TMEM64: variants seen among roughly 807,000 people sequenced by gnomAD.
TMEM64 encodes the protein transmembrane protein 64.
In TMEM64, 19 loss-of-function variants were observed where a neutral mutation model predicts 24.5. The observed-to-expected ratio is 0.78, with a 90% CI of 0.54 to 1.14. The LOEUF is 1.14. Ranked by LOEUF, TMEM64 falls within the 50% of genes most tolerant of loss-of-function variation. The pLI is 0.00. For missense variants in TMEM64, 487 were observed against 493.0 expected, an observed-to-expected ratio of 0.99 and a Z score of 0.12; for synonymous variants, 262 against 224.7, an observed-to-expected ratio of 1.17 and a Z score of -1.49.
In TMEM64 at chr8:90,645,727, G is replaced by T; in HGVS notation, c.179C>A (p.Ala60Glu). 2.6e-6 allele frequency: 3 copies of T among 1,164,686 alleles called. No individual in the cohort carries two copies. The South Asian group carries it at 1.3e-4, about 49-fold the overall frequency. The allele number at this position is 1,164,686 out of a possible 1,614,324, so 72.1% of individuals were successfully genotyped here. A position where few individuals can be genotyped will look rare whatever the true frequency, so the allele number is the denominator to read the frequency against. ...GGASAAAAAA[A>E]ASGALLGAYL... ...GGCGCCGAGCAGGGCGCCCGAGGCC[G>T]CCGCTGCTGCCGCCGCCGCGCTCGC... The change falls in exon 1 of 3, where the codon GCG (alanine) becomes GAG (glutamate). Residue 60 changes from alanine (A) to glutamate (E), a missense_variant. Physicochemically the swap from Ala to Glu is moderately radical, Grantham distance 107. Transcript: ENST00000458549. This position sits in a 1 kb window ranked among gnomAD's most constrained non-coding sequence, Gnocchi z 4.2.
intron 2 of TMEM64, among the ~76,000 whole-genome samples, chr8:90,626,090 A>G (rs1284050607): frequency 6.6e-6 from 1 of 152,198 alleles, no homozygotes; most frequent in Admixed American, 6.5e-5. Context: ...ATGACATGGT[A>G]TTAGGAAAAC....
rs1042783338 is a variant in TMEM64, at chr8:90,625,484, T to A, written c.*187A>T. On this transcript the variant is annotated 3_prime_UTR_variant, in exon 3 of 3. Coordinates refer to ENST00000458549, the MANE Select transcript of TMEM64 (RefSeq NM_001008495.4). ...ATAAAGAGGTGCAGCCAAATTTGCA[T>A]CTACATTTACACTTACATACCCAGA... 9.8e-6 allele frequency: 5 copies of A among 511,396 alleles called. No individual in the cohort carries two copies. The highest frequency in any genetic ancestry group is 1.7e-5 in the Non-Finnish European group (5 of 290,740). The allele number at this position is 511,396 out of a possible 1,614,324, so 31.7% of individuals were successfully genotyped here.
chr8:90,637,779 AAC>A (rs1435675478), intron 1 of TMEM64, among the ~76,000 whole-genome samples: 1 of 152,166 alleles, frequency 6.6e-6, no homozygotes, highest in African/African-American at 2.4e-5. Flanking sequence ...AAAATTGGGG[AAC>A]AGAGAAAAAG....
chr8:90,635,171 C>T (rs1226214751), intron 1 of TMEM64, among the ~76,000 whole-genome samples: 3 of 152,016 alleles, frequency 2.0e-5, no homozygotes, highest in African/African-American at 7.2e-5. Context: ...ATTGAGAAGG[C>T]CTACATGCTG....
chr8:90,625,971 G>C (rs755753914), intron 2 of TMEM64, 109 bp from the exon 3 acceptor site: 16 of 740,960 alleles, frequency 2.2e-5, no homozygotes, highest in Non-Finnish European at 3.4e-5. Context: ...GCTTCTCAAA[G>C]ATGGTAGGTA....
rs1211643911 is a variant in TMEM64, at chr8:90,631,771, ATGTG to A, written c.796-68_796-65del. ...TAAAATTTCAATTCAACATAAAAAAATGTGTGTATTAAGTCTAACTAGTGGTATT... is the reference window on the plus strand; with the variant it reads ...TAAAATTTCAATTCAACATAAAAAAATGTATTAAGTCTAACTAGTGGTATT... On this transcript the variant is annotated intron_variant, in intron 1 of 2. Coordinates refer to ENST00000458549, the MANE Select transcript of TMEM64 (RefSeq NM_001008495.4). 4.9e-6 allele frequency: 7 copies of A among 1,441,788 alleles called. No individual in the cohort carries two copies. In the Admixed American group the frequency reaches 1.2e-4, roughly 25 times the overall value. 89.3% of individuals were successfully genotyped at this position (1,441,788 alleles called of 1,614,324 possible).
rs537117465 is a variant in TMEM64, at chr8:90,637,959, G to C, written c.796-6252C>G. On this transcript the variant is annotated intron_variant, in intron 1 of 2. Coordinates refer to ENST00000458549, the MANE Select transcript of TMEM64 (RefSeq NM_001008495.4). ...CCCTAGCTGGAGACCTCATCAGTCA[G>C]GCACATAGCTAATTCCTTATTTCCC... 1.5e-3 allele frequency among the ~76,000 whole-genome samples: 223 copies of C among 152,204 alleles called. 3 individuals carry two copies. Among genetic ancestry groups the C allele is most frequent in the African/African-American group, 5.0e-3 (206 of 41,532 alleles).
In TMEM64 at chr8:90,645,150, C is replaced by T; in HGVS notation, c.756G>A (p.Leu252=). 9 of 1,613,594 alleles carry T rather than the reference C, an allele frequency of 5.6e-6. No individual in the cohort carries two copies. Among genetic ancestry groups the T allele is most frequent in the Non-Finnish European group, 5.1e-6 (6 of 1,179,594 alleles). ...SGLKVVALAR[L]TPIPFGLQNA... ...TCTGAAGCCCAAAAGGTATGGGTGTCAGTCTGGCCAGCGCCACCACTTTCA... is the reference window on the plus strand; with the variant it reads ...TCTGAAGCCCAAAAGGTATGGGTGTTAGTCTGGCCAGCGCCACCACTTTCA... Residue 252 remains leucine (L), a synonymous_variant, in exon 1 of 3, where the codon CTG becomes CTA. Coordinates refer to ENST00000458549, the MANE Select transcript of TMEM64 (RefSeq NM_001008495.4). The surrounding 1 kb of genome is among the most constrained non-coding windows in gnomAD (Gnocchi z 4.2).
Position 90,623,821 on chromosome 8 carries a change from A to G in TMEM64, c.*1850T>C, listed in dbSNP as rs1442709022. 1 of 152,266 alleles carries G rather than the reference A, an allele frequency of 6.6e-6. No individual in the cohort carries two copies. Among genetic ancestry groups the G allele is most frequent in the Non-Finnish European group, 1.5e-5 (1 of 67,946 alleles). The allele number at this position is 152,266 out of a possible 1,614,324, so 9.4% of individuals were successfully genotyped here. The stretch of plus-strand genomic sequence containing the variant: ...TTTCACAAAAACTAACCAACAAACA[A>G]GAAGCACAAGAAAAAGGTTGTCAGG... On this transcript the variant is annotated 3_prime_UTR_variant, in exon 3 of 3. Coordinates refer to ENST00000458549, the MANE Select transcript of TMEM64 (RefSeq NM_001008495.4).
chr8:90,645,587 T>C lies in TMEM64; in HGVS notation c.319A>G (p.Arg107Gly), dbSNP rs1283036962. Residue 107 changes from arginine (R) to glycine (G), a missense_variant, in exon 1 of 3, where the codon AGA becomes GGA. By Grantham distance (125) the Arg-to-Gly change is moderately radical. Around this residue, in one of 3 missense-constraint regions of TMEM64, gnomAD observed 419 missense variants for 407.5 expected, o/e 1.03. Coordinates refer to ENST00000458549, the MANE Select transcript of TMEM64 (RefSeq NM_001008495.4). This position sits in a 1 kb window ranked among gnomAD's most constrained non-coding sequence, Gnocchi z 4.2. ...GGVVVGVAEV[R>G]NWRCCCLGST... ...CCGAGGCAGCAGCAGCGCCAGTTTCTCACCTCAGCCACGCCGACCACCACG... is the reference window on the plus strand; with the variant it reads ...CCGAGGCAGCAGCAGCGCCAGTTTCCCACCTCAGCCACGCCGACCACCACG... The C allele has an allele frequency of 6.5e-7, 1 of 1,540,656 alleles. No homozygotes were observed. Among genetic ancestry groups the C allele is most frequent in the Non-Finnish European group, 8.7e-7 (1 of 1,146,152 alleles).
Position 90,624,408 on chromosome 8 carries a change from C to T in TMEM64, c.*1263G>A, listed in dbSNP as rs1449717487. 3 of 151,984 alleles carry T rather than the reference C, an allele frequency of 2.0e-5. No individual in the cohort carries two copies. The highest frequency in any genetic ancestry group is 7.3e-5 in the African/African-American group (3 of 41,374). 9.4% of individuals were successfully genotyped at this position (151,984 alleles called of 1,614,324 possible). On this transcript the variant is annotated 3_prime_UTR_variant, in exon 3 of 3. Transcript: ENST00000458549. ...TATAACCTCATTTGTAAAAAAAAAT[C>T]ATTAAGTTTATAAACTATTTTAAAA...
chr8:90,639,446 TA>T (rs1291573079), intron 1 of TMEM64, among the ~76,000 whole-genome samples: 1 of 152,092 alleles, frequency 6.6e-6, no homozygotes, highest in Non-Finnish European at 1.5e-5. Flanking sequence ...TTATTGTACA[TA>T]ATTTCTGGAA....
At chr8:90,640,495 C>T (rs1809589146) in intron 1 of TMEM64, among the ~76,000 whole-genome samples, 1 of 152,156 alleles carries the variant, frequency 6.6e-6, no homozygotes, top group Admixed American at 6.5e-5. Flanking sequence ...CATCTGTACC[C>T]TCTCATTTTA....
At chr8:90,625,953 A>T (rs1363916046) in intron 2 of TMEM64, 91 bp from the exon 3 acceptor site, 3 of 914,782 alleles carry the variant, frequency 3.3e-6, no homozygotes, top group Non-Finnish European at 4.8e-6. Flanking sequence ...AAATGCTTCA[A>T]ACAGGGTGCT....
At chr8:90,635,096 C>T (rs1809496166) in intron 1 of TMEM64, among the ~76,000 whole-genome samples, 1 of 152,114 alleles carries the variant, frequency 6.6e-6, no homozygotes, top group African/African-American at 2.4e-5. Context: ...CAATGCCTAC[C>T]ACTGATGGAT....
intron 1 of TMEM64, among the ~76,000 whole-genome samples, chr8:90,643,943 AG>A (rs924770473): frequency 2.6e-5 from 4 of 152,222 alleles, no homozygotes; most frequent in African/African-American, 9.6e-5. Context: ...AAAAAGAGAA[AG>A]GTTTTAATTT....
intron 2 of TMEM64, among the ~76,000 whole-genome samples, chr8:90,627,494 A>T (rs974628361): frequency 6.6e-6 from 1 of 152,242 alleles, no homozygotes; most frequent in Middle Eastern, 3.4e-3. Context: ...TTTGTGAATT[A>T]GATGCTACCT....
intron 2 of TMEM64, among the ~76,000 whole-genome samples, chr8:90,626,122 T>A (rs1025977789): frequency 6.6e-6 from 1 of 152,212 alleles, no homozygotes; most frequent in Non-Finnish European, 1.5e-5. Context: ...TTGGTTCACT[T>A]GATACAAGCC....
In TMEM64 at chr8:90,636,241, A is replaced by T. The variant is rs147980072; in HGVS notation, c.796-4534T>A. On this transcript the variant is annotated intron_variant, in intron 1 of 2. Coordinates refer to ENST00000458549, the MANE Select transcript of TMEM64 (RefSeq NM_001008495.4). ...ATTAAAGATGAACAGCTTCCTCCAA[A>T]CTATTTTATTTTTGTTTTATATATA... Among the ~76,000 whole-genome samples the T allele has an allele frequency of 4.3e-3, 653 of 152,182 alleles. 4 individuals are homozygous for T. Among genetic ancestry groups the T allele is most frequent in the South Asian group, 0.013 (65 of 4,828 alleles).
Sources: allele counts gnomAD v4.1 joint callset (sites outside exome capture counted in the v4.1 genomes callset), GRCh38; gene constraint gnomAD v4.1.1; regional missense constraint gnomAD v4.1.1; non-coding constraint Gnocchi (gnomAD v3.1); transcripts MANE v1.5; gene names NCBI Gene and HGNC (gene_info 2026-07-23, HGNC 2026-07-21).